VWC2L: variants seen among roughly 807,000 people sequenced by gnomAD.
The protein encoded by VWC2L is von Willebrand factor C domain containing 2 like, also known as von Willebrand factor C domain-containing protein 2-like.
A neutral mutation model predicts 21.6 loss-of-function variants in VWC2L; 10 were observed. The observed-to-expected ratio is 0.46, with a 90% CI of 0.29 to 0.78. VWC2L has a LOEUF of 0.78. Ranked by LOEUF, VWC2L falls within the 30% of genes least tolerant of loss-of-function variation. VWC2L has a pLI of 0.10. For missense variants in VWC2L, 209 were observed against 277.1 expected (o/e 0.75, Z 1.74); for synonymous variants, 96 against 94.3 (o/e 1.02, Z -0.10).
At chr2:214,441,293 C>G (rs1193136672) in intron 3 of VWC2L, among the ~76,000 whole-genome samples, 1 of 151,826 alleles carries the variant, frequency 6.6e-6, no homozygotes, top group Non-Finnish European at 1.5e-5. Flanking sequence ...ATCTAATACA[C>G]AAAGAGCTCC....
chr2:214,467,373 C>G (rs1574580771), intron 3 of VWC2L, among the ~76,000 whole-genome samples: 1 of 139,434 alleles, frequency 7.2e-6, no homozygotes, highest in East Asian at 1.9e-4. Flanking sequence ...CTCAAGCTGC[C>G]TTGGTCTTTC....
chr2:214,554,730 A>G (rs1475901827), intron 3 of VWC2L, among the ~76,000 whole-genome samples: 2 of 152,228 alleles, frequency 1.3e-5, no homozygotes, highest in East Asian at 3.9e-4. Flanking sequence ...ACTCACATTA[A>G]AAGAGAAATC....
chr2:214,504,424 T>C (rs541956289), intron 3 of VWC2L, among the ~76,000 whole-genome samples: 3 of 152,354 alleles, frequency 2.0e-5, no homozygotes, highest in African/African-American at 7.2e-5. Context: ...GTAGTTTCTT[T>C]CTGCAGCACG....
chr2:214,549,338 G>A (rs1187179496), intron 3 of VWC2L, among the ~76,000 whole-genome samples: 1 of 152,316 alleles, frequency 6.6e-6, no homozygotes, highest in African/African-American at 2.4e-5. Flanking sequence ...CCTACCACAG[G>A]TATGTATACC....
At chr2:214,478,291 C>G (rs1237579877) in intron 3 of VWC2L, among the ~76,000 whole-genome samples, 2 of 151,968 alleles carry the variant, frequency 1.3e-5, no homozygotes, top group African/African-American at 4.8e-5. Flanking sequence ...CCTGCCTGAC[C>G]AACACGGTGA....
intron 3 of VWC2L, among the ~76,000 whole-genome samples, chr2:214,534,679 C>T (rs951160571): frequency 1.2e-4 from 18 of 152,052 alleles, no homozygotes; most frequent in African/African-American, 4.3e-4. Context: ...TTAGAAATGT[C>T]CATCTAGGAA....
At chr2:214,570,281 G>T (rs1690131465) in intron 3 of VWC2L, among the ~76,000 whole-genome samples, 1 of 152,180 alleles carries the variant, frequency 6.6e-6, no homozygotes. Flanking sequence ...TCTTTTGAAT[G>T]ATTCCTACTG....
chr2:214,487,270 A>G (rs1454999760), intron 3 of VWC2L, among the ~76,000 whole-genome samples: 3 of 152,190 alleles, frequency 2.0e-5, no homozygotes, highest in Admixed American at 2.0e-4. Context: ...ACATTAAGCA[A>G]TCTTGACATT....
intron 2 of VWC2L, among the ~76,000 whole-genome samples, chr2:214,430,678 T>C (rs572122598): frequency 4.3e-4 from 65 of 152,322 alleles, no homozygotes; most frequent in African/African-American, 1.5e-3. Flanking sequence ...GAAATGTTTT[T>C]TGATAGACAT....
At chr2:214,447,584 T>C (rs1702857386) in intron 3 of VWC2L, among the ~76,000 whole-genome samples, 1 of 152,162 alleles carries the variant, frequency 6.6e-6, no homozygotes, top group Non-Finnish European at 1.5e-5. Flanking sequence ...ACTGGTTTTG[T>C]GTAACCTTTG....
intron 3 of VWC2L, among the ~76,000 whole-genome samples, chr2:214,475,854 T>C (rs995493528): frequency 6.6e-6 from 1 of 152,170 alleles, no homozygotes; most frequent in African/African-American, 2.4e-5. Context: ...AAGTAACTGA[T>C]TGCAAAGGAA....
intron 3 of VWC2L, among the ~76,000 whole-genome samples, chr2:214,446,673 T>C (rs752180541): frequency 1.3e-5 from 2 of 152,198 alleles, no homozygotes; most frequent in Non-Finnish European, 2.9e-5. Flanking sequence ...ACTTGGGGAC[T>C]ATTTTTTCCC....
At chr2:214,501,721 CAAAAAAAAAAAA>C (rs776608301) in intron 3 of VWC2L, among the ~76,000 whole-genome samples, 3 of 79,108 alleles carry the variant, frequency 3.8e-5, no homozygotes, top group African/African-American at 4.9e-5. Flanking sequence ...GACTCTGTCT[CAAAAAAAAAAAA>C]AAAAAAAAAA....
At chr2:214,414,757 T>C in intron 2 of VWC2L, 174 bp downstream of exon 2, 1 of 695,354 alleles carries the variant, frequency 1.4e-6, no homozygotes, top group East Asian at 2.8e-5. Context: ...GCCAACTGGT[T>C]TGTTGATCAT....
chr2:214,483,747 GACTCTTA>G (rs1688638336), intron 3 of VWC2L, among the ~76,000 whole-genome samples: 1 of 152,160 alleles, frequency 6.6e-6, no homozygotes, highest in Non-Finnish European at 1.5e-5. Flanking sequence ...TTGAGAATGA[GACTCTTA>G]ACCTGCTGGC....
chr2:214,452,292 C>T (rs970855257), intron 3 of VWC2L, among the ~76,000 whole-genome samples: 1 of 152,174 alleles, frequency 6.6e-6, no homozygotes, highest in African/African-American at 2.4e-5. Context: ...GTAGCTGGGA[C>T]TACAGATGCA....
At chr2:214,501,721 C>CAAAA (rs776608301) in intron 3 of VWC2L, among the ~76,000 whole-genome samples, 40 of 78,688 alleles carry the variant, frequency 5.1e-4, no homozygotes, top group Non-Finnish European at 6.6e-4. Flanking sequence ...GACTCTGTCT[C>CAAAA]AAAAAAAAAA....
chr2:214,488,030 C>T (rs1199457390), intron 3 of VWC2L, among the ~76,000 whole-genome samples: 1 of 152,176 alleles, frequency 6.6e-6, no homozygotes, highest in Non-Finnish European at 1.5e-5. Context: ...GTTACTCCTA[C>T]TCCAGGGACT....
chr2:214,488,016 A>G (rs1688694442), intron 3 of VWC2L, among the ~76,000 whole-genome samples: 1 of 152,182 alleles, frequency 6.6e-6, no homozygotes, highest in South Asian at 2.1e-4. Flanking sequence ...CAAAATAAGT[A>G]TATGTTACTC....
Sources: gnomAD v4.1 joint callset for allele counts (sites outside exome capture counted in the v4.1 genomes callset) on GRCh38, gnomAD v4.1.1 for gene constraint, MANE v1.5 for transcripts, NCBI Gene and HGNC (gene_info 2026-07-23, HGNC 2026-07-21) for gene names.